MCTP2: variants seen among roughly 807,000 people sequenced by gnomAD.
The protein encoded by MCTP2 is multiple C2 and transmembrane domain-containing protein 2.
In MCTP2, 132 loss-of-function variants were observed where a neutral mutation model predicts 111.6. That is an observed-to-expected ratio of 1.18 (90% CI 1.03 to 1.37). The LOEUF is 1.37. Ranked by LOEUF, MCTP2 falls within the 40% of genes most tolerant of loss-of-function variation. MCTP2 has a pLI of 0.00. For synonymous variants in MCTP2, 395 were observed against 387.7 expected, an observed-to-expected ratio of 1.02 and a Z score of -0.22; for missense variants, 1,183 against 1,067.9, an observed-to-expected ratio of 1.11 and a Z score of -1.50.
At chr15:94,335,299 A>T (rs2077310010) in intron 4 of MCTP2, among the ~76,000 whole-genome samples, 1 of 152,246 alleles carries the variant, frequency 6.6e-6, no homozygotes, top group African/African-American at 2.4e-5. Flanking sequence ...AAAAGAAAAG[A>T]ATATAAAATC....
intron 19 of MCTP2, among the ~76,000 whole-genome samples, chr15:94,446,482 G>T (rs1163799061): frequency 1.3e-5 from 2 of 152,208 alleles, no homozygotes; most frequent in East Asian, 3.8e-4. Flanking sequence ...ACACAGTAAA[G>T]GTCAGTAATT....
At chr15:94,298,151 GTTT>G in intron 1 of MCTP2, 47 bp from the exon 2 acceptor site, 1 of 632,878 alleles carries the variant, frequency 1.6e-6, no homozygotes, top group Non-Finnish European at 2.4e-6. Context: ...GAAGGTTCAT[GTTT>G]TTTTTTTTTG....
At chr15:94,295,343 A>G (rs2152330715) in intron 1 of MCTP2, among the ~76,000 whole-genome samples, 1 of 151,940 alleles carries the variant, frequency 6.6e-6, no homozygotes, top group East Asian at 1.9e-4. Context: ...CAGGAATTTA[A>G]ACTTGTAATA....
At chr15:94,370,836 C>T (rs2079445669) in intron 12 of MCTP2, among the ~76,000 whole-genome samples, 1 of 152,178 alleles carries the variant, frequency 6.6e-6, no homozygotes, top group Admixed American at 6.5e-5. Context: ...AACAATTTAG[C>T]CGCCTACATG....
At chr15:94,236,260 GTGTT>G (rs1435748348) in intron 1 of MCTP2, among the ~76,000 whole-genome samples, 1 of 150,108 alleles carries the variant, frequency 6.7e-6, no homozygotes, top group East Asian at 2.0e-4. Context: ...AGGTGATGCT[GTGTT>G]TGTTCATTAC....
intron 4 of MCTP2, among the ~76,000 whole-genome samples, chr15:94,328,476 T>A (rs886322554): frequency 6.6e-6 from 1 of 152,188 alleles, no homozygotes; most frequent in Non-Finnish European, 1.5e-5. Context: ...GTGTTTCAAG[T>A]CACTCTTTTA....
intron 6 of MCTP2, 138 bp from the exon 7 acceptor site, chr15:94,340,675 C>G: frequency 1.8e-6 from 1 of 565,592 alleles, no homozygotes; most frequent in Non-Finnish European, 3.1e-6. Flanking sequence ...TTTATTTTCA[C>G]TAAATTTTGT....
At chr15:94,466,440 T>G (rs548202962) in intron 20 of MCTP2, among the ~76,000 whole-genome samples, 2 of 152,288 alleles carry the variant, frequency 1.3e-5, no homozygotes, top group East Asian at 3.9e-4. Flanking sequence ...TAAATTTTTT[T>G]GCTTGAGGCT....
intron 4 of MCTP2, among the ~76,000 whole-genome samples, chr15:94,319,666 C>G (rs1355517926): frequency 6.6e-6 from 1 of 152,184 alleles, no homozygotes; most frequent in African/African-American, 2.4e-5. Flanking sequence ...AGAGTTTCAA[C>G]TCTTGATTAT....
At chr15:94,388,310 C>G (rs1347467307) in intron 14 of MCTP2, among the ~76,000 whole-genome samples, 1 of 152,178 alleles carries the variant, frequency 6.6e-6, no homozygotes, top group Non-Finnish European at 1.5e-5. Context: ...CAGTAAGATG[C>G]TTCGGCTGCT....
At chr15:94,269,464 A>G (rs1231440132) in intron 1 of MCTP2, among the ~76,000 whole-genome samples, 1 of 152,198 alleles carries the variant, frequency 6.6e-6, no homozygotes, top group Non-Finnish European at 1.5e-5. Flanking sequence ...AACTCCAGAT[A>G]TCTGGAATCA....
chr15:94,441,124 C>G (rs2083758349), intron 18 of MCTP2, among the ~76,000 whole-genome samples: 1 of 152,048 alleles, frequency 6.6e-6, no homozygotes, highest in South Asian at 2.1e-4. Context: ...TTTGGTTTCC[C>G]AAGAGTCAAT....
At chr15:94,407,289 CAT>C (rs1219031940) in intron 17 of MCTP2, among the ~76,000 whole-genome samples, 1 of 152,176 alleles carries the variant, frequency 6.6e-6, no homozygotes, top group African/African-American at 2.4e-5. Flanking sequence ...ATGCTTTTAA[CAT>C]AGAATTGCAT....
intron 4 of MCTP2, among the ~76,000 whole-genome samples, chr15:94,320,651 T>G (rs2076592695): frequency 6.6e-6 from 1 of 152,202 alleles, no homozygotes; most frequent in African/African-American, 2.4e-5. Flanking sequence ...TGTCTTGGGT[T>G]TCCTCAGTGA....
At chr15:94,397,834 T>G (rs965453300) in intron 14 of MCTP2, among the ~76,000 whole-genome samples, 2 of 152,230 alleles carry the variant, frequency 1.3e-5, no homozygotes, top group African/African-American at 4.8e-5. Context: ...GCTATTGAAA[T>G]TTTTGATCAT....
intron 17 of MCTP2, among the ~76,000 whole-genome samples, chr15:94,413,494 T>C (rs1037220483): frequency 1.3e-5 from 2 of 152,072 alleles, no homozygotes; most frequent in African/African-American, 4.8e-5. Context: ...TTGATGCTTA[T>C]GTCATTGGCT....
At chr15:94,417,296 A>T (rs182854344) in intron 17 of MCTP2, among the ~76,000 whole-genome samples, 3 of 152,234 alleles carry the variant, frequency 2.0e-5, no homozygotes, top group East Asian at 3.9e-4. Flanking sequence ...ATGCCATCAA[A>T]TTTTTTATTT....
intron 17 of MCTP2, among the ~76,000 whole-genome samples, chr15:94,427,374 A>G (rs1191604357): frequency 6.6e-6 from 1 of 152,156 alleles, no homozygotes; most frequent in Non-Finnish European, 1.5e-5. Flanking sequence ...GGTTTAGTGA[A>G]CTCACACTTC....
chr15:94,359,049 C>G (rs1487066273), intron 10 of MCTP2, among the ~76,000 whole-genome samples: 1 of 152,140 alleles, frequency 6.6e-6, no homozygotes, highest in Non-Finnish European at 1.5e-5. Context: ...GAGGCCAAAT[C>G]TATTTTATTT....
Sources: allele counts gnomAD v4.1 joint callset (sites outside exome capture counted in the v4.1 genomes callset), GRCh38; gene constraint gnomAD v4.1.1; transcripts MANE v1.5; gene names NCBI Gene and HGNC (gene_info 2026-07-23, HGNC 2026-07-21).